The following EDIL3 variants were observed in gnomAD, a reference collection of about 807,000 sequenced individuals.
EDIL3 encodes the protein EGF like and discoidin domains 3, also known as EGF-like repeat and discoidin I-like domain-containing protein 3.
Under a neutral mutation model 67.4 loss-of-function variants are expected in EDIL3, and 37 were observed. That is an observed-to-expected ratio of 0.55 (90% CI 0.42 to 0.72). The LOEUF is 0.72. Ranked by LOEUF, EDIL3 falls within the 30% of genes least tolerant of loss-of-function variation. The pLI, the probability that EDIL3 is intolerant of heterozygous loss-of-function variation, is 0.00. For synonymous variants in EDIL3, 195 were observed against 196.3 expected (o/e 0.99, Z 0.05); for missense variants, 527 against 586.3 (o/e 0.90, Z 1.04).
chr5:84,252,407 C>A (rs1745039891), intron 2 of EDIL3, among the ~76,000 whole-genome samples: 1 of 143,230 alleles, frequency 7.0e-6, no homozygotes, highest in Non-Finnish European at 1.5e-5. Context: ...GGCAGGAGAA[C>A]GGTGTGAACC....
intron 9 of EDIL3, among the ~76,000 whole-genome samples, chr5:83,988,401 T>C (rs1258011559): frequency 6.6e-6 from 1 of 152,144 alleles, no homozygotes; most frequent in Non-Finnish European, 1.5e-5. Flanking sequence ...ATAATTAAAA[T>C]TTTGCTTCCA....
chr5:84,193,243 T>C (rs1743628198), intron 3 of EDIL3, among the ~76,000 whole-genome samples: 3 of 151,982 alleles, frequency 2.0e-5, no homozygotes. Context: ...AGAATCATTG[T>C]ACTTGTCCAG....
At chr5:84,378,571 C>G (rs1169094019) in intron 1 of EDIL3, among the ~76,000 whole-genome samples, 1 of 152,056 alleles carries the variant, frequency 6.6e-6, no homozygotes, top group Non-Finnish European at 1.5e-5. Context: ...ACTTGAAAGC[C>G]AAGAGAAATA....
intron 2 of EDIL3, 68 bp downstream of exon 2, chr5:84,254,016 C>G: frequency 6.7e-7 from 1 of 1,498,644 alleles, no homozygotes; most frequent in African/African-American, 1.4e-5. Flanking sequence ...TAATGCACCA[C>G]AGCCAAACTG....
rs1432966515 is a variant in EDIL3, at chr5:84,340,534, C to CTCTCTCTCTCTCTA, written c.67+43773_67+43774insTAGAGAGAGAGAGA. Among the ~76,000 whole-genome samples, 11 of 54,206 alleles carry CTCTCTCTCTCTCTA rather than the reference C, an allele frequency of 2.0e-4. No homozygotes were observed. In the East Asian group the frequency reaches 2.1e-3, roughly 10 times the overall value. 35.6% of individuals were successfully genotyped at this position (54,206 alleles called of 152,430 possible). On this transcript the variant is annotated intron_variant, in intron 1 of 10. Coordinates refer to ENST00000296591, the MANE Select transcript of EDIL3 (RefSeq NM_005711.5). ...TCTCTCTCTCTCTCTCTCTCTCTCT[C>CTCTCTCTCTCTCTA]TATATATATATATATATATATATAT...
intron 4 of EDIL3, among the ~76,000 whole-genome samples, chr5:84,166,423 C>T (rs1042365317): frequency 6.6e-6 from 1 of 152,088 alleles, no homozygotes; most frequent in African/African-American, 2.4e-5. Context: ...GGGAGATAGA[C>T]TGCTATTAGA....
At chr5:84,259,100 C>T (rs1489594183) in intron 1 of EDIL3, among the ~76,000 whole-genome samples, 2 of 149,966 alleles carry the variant, frequency 1.3e-5, no homozygotes, top group Non-Finnish European at 3.0e-5. Context: ...GCTGGGACTA[C>T]AGTCGCCCGC....
chr5:84,193,805 G>A (rs779360784), intron 3 of EDIL3, among the ~76,000 whole-genome samples: 5 of 151,870 alleles, frequency 3.3e-5, no homozygotes, highest in South Asian at 2.1e-4. Flanking sequence ...TGAGATTTCC[G>A]TTTTATGTTT....
chr5:83,971,270 C>CT (rs1467314629), intron 9 of EDIL3, among the ~76,000 whole-genome samples: 16 of 149,996 alleles, frequency 1.1e-4, no homozygotes, highest in Middle Eastern at 3.4e-3. Flanking sequence ...AAAAAAATAT[C>CT]CTTTTTTCTT....
chr5:84,110,222 C>T (rs774169264), intron 5 of EDIL3, among the ~76,000 whole-genome samples: 1 of 152,150 alleles, frequency 6.6e-6, no homozygotes, highest in Non-Finnish European at 1.5e-5. Flanking sequence ...TTATTTCACT[C>T]TGCGAAGTTG....
At chr5:84,174,032 G>C (rs1748858126) in intron 4 of EDIL3, among the ~76,000 whole-genome samples, 2 of 152,160 alleles carry the variant, frequency 1.3e-5, no homozygotes, top group African/African-American at 4.8e-5. Flanking sequence ...AAAGACAAAG[G>C]AGCCAAAGGA....
At chr5:84,015,338 C>A (rs1745584000) in intron 9 of EDIL3, among the ~76,000 whole-genome samples, 1 of 152,152 alleles carries the variant, frequency 6.6e-6, no homozygotes, top group Admixed American at 6.5e-5. Flanking sequence ...CAGTAGGTGG[C>A]AGAGTTAGAA....
chr5:84,254,195 T>G lies in EDIL3; in HGVS notation c.85A>C (p.Asn29His). 1 of 1,612,026 alleles carries G rather than the reference T, an allele frequency of 6.2e-7. No individual in the cohort carries two copies. Among genetic ancestry groups the G allele is most frequent in the East Asian group, 2.2e-5 (1 of 44,812 alleles). Reference protein sequence around the residue: ...QFGKGDICDPNPCENGGICLP... With the variant: ...QFGKGDICDPHPCENGGICLP... ...CAGATACCTCCATTTTCACATGGAT[T>G]GGGATCACAAATATCACCTAAGGCA... Residue 29 changes from asparagine (N) to histidine (H), a missense_variant, in exon 2 of 11, where the codon AAT becomes CAT. Physicochemically the swap from Asn to His is moderately conservative, Grantham distance 68. Around this residue, in one of 2 missense-constraint regions of EDIL3, gnomAD observed 494 missense variants for 522.5 expected, o/e 0.95. Coordinates refer to ENST00000296591, the MANE Select transcript of EDIL3 (RefSeq NM_005711.5).
In EDIL3 at chr5:84,106,533, T is replaced by C. The variant is rs1747465633; in HGVS notation, c.651+116A>G. 3 of 1,280,462 alleles carry C rather than the reference T, an allele frequency of 2.3e-6. No homozygotes were observed. The African/African-American group carries it at 4.5e-5, about 19-fold the overall frequency. The allele number at this position is 1,280,462 out of a possible 1,614,324, so 79.3% of individuals were successfully genotyped here. The stretch of plus-strand genomic sequence containing the variant: ...ATTTGAACTCTTCACTAAATTACCC[T>C]TTCCTCTGACCATAAGGAAGAGTCA... On this transcript the variant is annotated intron_variant, in intron 6 of 10. Transcript: ENST00000296591.
intron 9 of EDIL3, among the ~76,000 whole-genome samples, chr5:84,053,101 A>C (rs1240751447): frequency 2.2e-4 from 33 of 152,204 alleles, no homozygotes; most frequent in Admixed American, 2.2e-3. Context: ...AAATTATAAC[A>C]AACTGTCTCT....
intron 1 of EDIL3, 60 bp downstream of exon 1, chr5:84,384,248 C>A: frequency 6.4e-7 from 1 of 1,561,462 alleles, no homozygotes; most frequent in Non-Finnish European, 8.7e-7. Flanking sequence ...CCCTGCGCGG[C>A]GTTTCTCAGG....
chr5:84,037,294 T>C (rs546824105), intron 9 of EDIL3, among the ~76,000 whole-genome samples: 3 of 152,326 alleles, frequency 2.0e-5, no homozygotes, highest in South Asian at 2.1e-4. Context: ...AATTGGTAAC[T>C]TTAATGCTAT....
intron 3 of EDIL3, among the ~76,000 whole-genome samples, chr5:84,207,204 A>G (rs1036395037): frequency 6.6e-6 from 1 of 152,166 alleles, no homozygotes; most frequent in Non-Finnish European, 1.5e-5. Context: ...AAAGTCTCAG[A>G]ATACAAAATC....
At chr5:83,976,031 T>C (rs1413466512) in intron 9 of EDIL3, among the ~76,000 whole-genome samples, 1 of 151,884 alleles carries the variant, frequency 6.6e-6, no homozygotes, top group African/African-American at 2.4e-5. Flanking sequence ...TGACATAAAA[T>C]TTATGTTAAA....
Sources: allele counts gnomAD v4.1 joint callset (sites outside exome capture counted in the v4.1 genomes callset), GRCh38; gene constraint gnomAD v4.1.1; regional missense constraint gnomAD v4.1.1; transcripts MANE v1.5; gene names NCBI Gene and HGNC (gene_info 2026-07-23, HGNC 2026-07-21).